ANO7: variants seen among roughly 807,000 people sequenced by gnomAD.
The protein encoded by ANO7 is anoctamin-7.
In ANO7, 114 loss-of-function variants were observed where a neutral mutation model predicts 115.8. The observed-to-expected ratio is 0.98, with a 90% CI of 0.85 to 1.15. The LOEUF (loss-of-function observed/expected upper bound fraction) is 1.15, where lower values mean the gene tolerates loss of function less well. Among genes scored for constraint, ANO7 ranks in the 50% most tolerant of loss-of-function variants. The pLI is 0.00. For missense variants in ANO7, 1,302 were observed against 1,201.2 expected, an observed-to-expected ratio of 1.08 and a Z score of -1.24; for synonymous variants, 550 against 498.2, an observed-to-expected ratio of 1.10 and a Z score of -1.38.
chr2:241,191,467 G>T (rs2149098189), intron 3 of ANO7, among the ~76,000 whole-genome samples: 1 of 152,248 alleles, frequency 6.6e-6, no homozygotes, highest in African/African-American at 2.4e-5. Flanking sequence ...ATGGGGTGGG[G>T]CCGGAAGGGC....
At chr2:241,236,282 G>A in the ANO7 span, 4 of 342,346 alleles carry the variant, frequency 1.2e-5, no homozygotes, top group East Asian at 1.2e-4. Context: ...CTCACGCGGG[G>A]GGAGACGTTG....
chr2:241,200,347 T>C (rs2068440442), intron 6 of ANO7, 122 bp downstream of exon 6: 1 of 1,305,554 alleles, frequency 7.7e-7, no homozygotes, highest in Non-Finnish European at 1.0e-6. Context: ...GCAGGGAATC[T>C]GAGGCCAGGT....
chr2:241,214,962 G>A, intron 18 of ANO7, 60 bp downstream of exon 18: 2 of 1,479,048 alleles, frequency 1.4e-6, no homozygotes, highest in South Asian at 1.2e-5. Context: ...AGAGCACCTG[G>A]CAGTAGCAGC....
chr2:241,196,184 C>T (rs1200583670), intron 4 of ANO7: 7 of 1,233,528 alleles, frequency 5.7e-6, no homozygotes, highest in African/African-American at 1.5e-5. Flanking sequence ...GTGTTTATGA[C>T]TCTCAGTGTG....
At chr2:241,218,541 TG>T (rs556753613) in intron 21 of ANO7, among the ~76,000 whole-genome samples, 160 bp downstream of exon 21, 172 of 88,314 alleles carry the variant, frequency 1.9e-3, no homozygotes, top group African/African-American at 7.1e-3. Context: ...GGGCAGGGGC[TG>T]GGGGGAGGTT....
intron 10 of ANO7, among the ~76,000 whole-genome samples, chr2:241,206,637 C>A (rs1371002017): frequency 9.9e-5 from 5 of 50,370 alleles, no homozygotes; most frequent in African/African-American, 2.0e-4. Flanking sequence ...CAGGAGTGCT[C>A]CCAGGCTGAC....
the ANO7 span, chr2:241,234,060 T>A: frequency 7.2e-7 from 1 of 1,392,216 alleles, no homozygotes. Context: ...CTGGAGATGC[T>A]GCAGTGTTCT....
downstream of ANO7, chr2:241,229,474 G>A: frequency 1.4e-6 from 1 of 708,898 alleles, no homozygotes; most frequent in Non-Finnish European, 2.4e-6. Flanking sequence ...CTCCCTGCGG[G>A]ACCTCGGGAA....
At chr2:241,189,268 T>C (rs1574749334) in intron 1 of ANO7, among the ~76,000 whole-genome samples, 1 of 152,180 alleles carries the variant, frequency 6.6e-6, no homozygotes, top group East Asian at 1.9e-4. Context: ...AGGCTCAGTC[T>C]CTGTCCCTCT....
At position 241,223,955 on chromosome 2, in the gene ANO7, G is replaced by A; in HGVS notation, c.2583G>A (p.Glu861=). 1 of 1,613,922 alleles carries A rather than the reference G, an allele frequency of 6.2e-7. No individual in the cohort carries two copies. Among genetic ancestry groups the A allele is most frequent in the Non-Finnish European group, 8.5e-7 (1 of 1,179,974 alleles). ...GTKDEQPEGS[E]LSSHWTPFTV... Reference sequence around the variant, plus strand: ...AGGATGAGCAGCCCGAGGGCTCAGAGGCAAGTCTGGGAGCAGCCAGGCCCC... The same window carrying A: ...AGGATGAGCAGCCCGAGGGCTCAGAAGCAAGTCTGGGAGCAGCCAGGCCCC... The change falls in exon 24 of 25, where the codon GAG becomes GAA. Residue 861 remains glutamate, a splice_region_variant and synonymous_variant. Transcript: ENST00000674324.
chr2:241,233,823 G>C, the ANO7 span: 26 of 1,613,988 alleles, frequency 1.6e-5, no homozygotes, highest in Non-Finnish European at 2.1e-5. This position sits in a 1 kb window ranked among gnomAD's most constrained non-coding sequence, Gnocchi z 4.3. Flanking sequence ...CTCTCACCTG[G>C]TTCCCATCGT....
intron 17 of ANO7, among the ~76,000 whole-genome samples, chr2:241,214,444 A>T (rs1002688969): frequency 5.3e-5 from 8 of 152,198 alleles, no homozygotes; most frequent in Non-Finnish European, 1.2e-4. Flanking sequence ...TCCACCTCCC[A>T]CTGGCTCGAA....
At chr2:241,229,824 G>A (rs193157367), downstream of ANO7, 23 of 800,518 alleles carry the variant, frequency 2.9e-5, no homozygotes, top group Middle Eastern at 5.7e-4. Flanking sequence ...GCAGAAGCCC[G>A]CATCTGACCT....
chr2:241,197,868 C>G (rs1250412542), intron 4 of ANO7, among the ~76,000 whole-genome samples: 1 of 151,892 alleles, frequency 6.6e-6, no homozygotes, highest in African/African-American at 2.4e-5. Flanking sequence ...CCAGGCTGGT[C>G]ATGAACTCCT....
At chr2:241,239,967 G>A in the ANO7 span, 1 of 1,614,224 alleles carries the variant, frequency 6.2e-7, no homozygotes, top group Non-Finnish European at 8.5e-7. This position sits in a 1 kb window ranked among gnomAD's most constrained non-coding sequence, Gnocchi z 4.6. Flanking sequence ...TTCCAATGAT[G>A]GTGATCAGGT....
chr2:241,201,364 G>C lies in ANO7; in HGVS notation c.612+9G>C. 6.2e-7 allele frequency: 1 copy of C among 1,611,402 alleles called. No homozygotes were observed. Among genetic ancestry groups the C allele is most frequent in the Non-Finnish European group, 8.5e-7 (1 of 1,178,910 alleles). ...CCAAGAGGCACCAAATTGTGAGTGG[G>C]GGTTCCCTGCCGCGGGCCCCAAACC... On this transcript the variant is annotated intron_variant, in intron 7 of 24. Transcript: ENST00000674324.
chr2:241,189,993 C>A, intron 1 of ANO7, 64 bp from the exon 2 acceptor site: 1 of 1,325,268 alleles, frequency 7.5e-7, no homozygotes, highest in South Asian at 1.3e-5. Context: ...TGTGGTGGCC[C>A]CAGGAACGGG....
chr2:241,215,577 C>G (rs1249931070), intron 18 of ANO7, among the ~76,000 whole-genome samples: 1 of 152,252 alleles, frequency 6.6e-6, no homozygotes, highest in Non-Finnish European at 1.5e-5. Flanking sequence ...CCTCTTGGAA[C>G]TATTGGTGCT....
At chr2:241,227,748 G>C (rs10892), downstream of ANO7, 22,913 of 152,514 alleles carry the variant, frequency 0.15, 4,248 homozygotes, top group African/African-American at 0.41. Flanking sequence ...ATGGAGATTG[G>C]GGGGAGCTGG....
Sources: gnomAD v4.1 joint callset for allele counts (sites outside exome capture counted in the v4.1 genomes callset) on GRCh38, gnomAD v4.1.1 for gene constraint, Gnocchi (gnomAD v3.1) non-coding constraint, MANE v1.5 for transcripts, NCBI Gene and HGNC (gene_info 2026-07-23, HGNC 2026-07-21) for gene names.